Variants in CSMD1 observed in about 807,000 individuals in gnomAD.
CSMD1 encodes the protein CUB and Sushi multiple domains 1.
In CSMD1, 213 loss-of-function variants were observed where a neutral mutation model predicts 417.5. The observed-to-expected ratio is 0.51, with a 90% CI of 0.46 to 0.57. The LOEUF (loss-of-function observed/expected upper bound fraction) is 0.57, where lower values mean the gene tolerates loss of function less well. Ranked by LOEUF, CSMD1 falls within the 20% of genes least tolerant of loss-of-function variation. The pLI, the probability that CSMD1 is intolerant of heterozygous loss-of-function variation, is 0.00. For missense variants in CSMD1, 6,923 were observed against 4,529.7 expected (o/e 1.53, Z -15.17); for synonymous variants, 2,862 against 1,736.8 (o/e 1.65, Z -16.11).
At chr8:3,961,483 G>C (rs1812316597) in intron 5 of CSMD1, among the ~76,000 whole-genome samples, 1 of 152,076 alleles carries the variant, frequency 6.6e-6, no homozygotes, top group South Asian at 2.1e-4. Context: ...TAAAAGTCTA[G>C]CCCCATATGC....
chr8:3,493,673 C>A lies in CSMD1; in HGVS notation c.1398G>T (p.Leu466=), dbSNP rs56109797. ...EFELERGYDT[L]TVGDAGKVGD... ...CCACCTTCCCAGCATCACCAACCGT[C>A]AGGGTGTCATAGCCTCGCTCCAGCT... Residue 466 remains leucine, a synonymous_variant, in exon 11 of 70, where the codon CTG becomes CTT. Transcript: ENST00000635120. 129,195 of 1,611,628 alleles carry A rather than the reference C, an allele frequency of 0.08. 5,707 individuals are homozygous for A. Among genetic ancestry groups the A allele is most frequent in the East Asian group, 0.16 (7,348 of 44,768 alleles).
intron 3 of CSMD1, among the ~76,000 whole-genome samples, chr8:4,273,744 C>G (rs949383783): frequency 2.6e-4 from 39 of 152,150 alleles, no homozygotes; most frequent in African/African-American, 9.2e-4. Flanking sequence ...GGTCAAAACA[C>G]TGACAGCTCA....
rs565251680 is a variant in CSMD1, at chr8:3,495,498, G to C, written c.1345-1772C>G. Among the ~76,000 whole-genome samples, 13 of 152,342 alleles carry C rather than the reference G, an allele frequency of 8.5e-5. No homozygotes were observed. In the South Asian group the frequency reaches 2.1e-3, roughly 24 times the overall value. On this transcript the variant is annotated intron_variant, in intron 10 of 69. Transcript: ENST00000635120. ...TTTCAAGCCAAGGCAAAGGTAGACA[G>C]AGAAAGTCTTTGTCAGTATTTCATC...
At chr8:3,150,201 A>T (rs1054567535) in intron 40 of CSMD1, among the ~76,000 whole-genome samples, 1 of 151,944 alleles carries the variant, frequency 6.6e-6, no homozygotes, top group Admixed American at 6.6e-5. Flanking sequence ...AAACCAAGAA[A>T]CCCGGGAGAA....
chr8:4,334,544 C>A (rs540374291), intron 3 of CSMD1, among the ~76,000 whole-genome samples: 7 of 152,212 alleles, frequency 4.6e-5, no homozygotes, highest in African/African-American at 1.4e-4. Context: ...ATAAAACTCT[C>A]CAGATAGTAT....
chr8:4,321,310 T>G (rs939168443), intron 3 of CSMD1, among the ~76,000 whole-genome samples: 15 of 152,230 alleles, frequency 9.9e-5, no homozygotes, highest in African/African-American at 3.6e-4. Flanking sequence ...CTCTTGCCTA[T>G]TGTTTCCTCC....
At chr8:4,658,029 A>G (rs1240158036) in intron 1 of CSMD1, among the ~76,000 whole-genome samples, 1 of 152,140 alleles carries the variant, frequency 6.6e-6, no homozygotes, top group Admixed American at 6.5e-5. Flanking sequence ...AGTTGAAAAT[A>G]TCCAGTATGA....
intron 3 of CSMD1, among the ~76,000 whole-genome samples, chr8:4,121,264 G>A (rs1347432686): frequency 6.6e-6 from 1 of 151,972 alleles, no homozygotes; most frequent in Admixed American, 6.6e-5. Context: ...ACAGGCACCT[G>A]ACACCACACC....
At chr8:4,898,120 A>G (rs1804623848) in intron 1 of CSMD1, among the ~76,000 whole-genome samples, 1 of 152,132 alleles carries the variant, frequency 6.6e-6, no homozygotes, top group Admixed American at 6.5e-5. Flanking sequence ...AAGTAAATAA[A>G]TATTGCCCAT....
intron 3 of CSMD1, among the ~76,000 whole-genome samples, chr8:4,173,973 G>C (rs898397844): frequency 8.5e-5 from 13 of 152,110 alleles, no homozygotes; most frequent in East Asian, 3.9e-4. Flanking sequence ...ACTTTCTCCT[G>C]ACTGGAAGCA....
chr8:4,421,619 A>G (rs1419476837), intron 2 of CSMD1, among the ~76,000 whole-genome samples: 1 of 152,112 alleles, frequency 6.6e-6, no homozygotes, highest in African/African-American at 2.4e-5. Context: ...AAGGAAAATA[A>G]AAATACAGAT....
At chr8:4,963,247 C>A (rs1032025955) in intron 1 of CSMD1, among the ~76,000 whole-genome samples, 5 of 152,166 alleles carry the variant, frequency 3.3e-5, no homozygotes, top group African/African-American at 1.2e-4. Context: ...GTCACGCAGG[C>A]TGGAGTGCAG....
intron 12 of CSMD1, among the ~76,000 whole-genome samples, chr8:3,425,425 T>G (rs1813774674): frequency 6.6e-6 from 1 of 151,598 alleles, no homozygotes; most frequent in Non-Finnish European, 1.5e-5. Context: ...CTGTCTCTAC[T>G]AAAAATACAA....
intron 37 of CSMD1, among the ~76,000 whole-genome samples, chr8:3,176,557 G>C (rs543976760): frequency 5.9e-5 from 9 of 152,072 alleles, no homozygotes; most frequent in Non-Finnish European, 1.0e-4. Flanking sequence ...ACCTACTAGA[G>C]AAATTTTCAG....
chr8:3,253,481 G>C (rs4609214), intron 26 of CSMD1, among the ~76,000 whole-genome samples: 14,620 of 152,186 alleles, frequency 0.096, 898 homozygotes, highest in Non-Finnish European at 0.13. Flanking sequence ...GGTGTGGTGT[G>C]GTGCTGAAAA....
intron 10 of CSMD1, among the ~76,000 whole-genome samples, chr8:3,525,139 G>GT (rs146105308): frequency 0.044 from 6,731 of 152,226 alleles, 172 homozygotes; most frequent in Non-Finnish European, 0.055. Flanking sequence ...GCCACATACA[G>GT]TGAGTCTTGA....
At chr8:3,719,156 C>A (rs1802004914) in intron 6 of CSMD1, among the ~76,000 whole-genome samples, 1 of 152,138 alleles carries the variant, frequency 6.6e-6, no homozygotes, top group Non-Finnish European at 1.5e-5. Flanking sequence ...CTTTTCTATA[C>A]TTCGTTGCAT....
chr8:4,290,760 T>G (rs59693196), intron 3 of CSMD1, among the ~76,000 whole-genome samples: 1,641 of 152,316 alleles, frequency 0.011, 26 homozygotes, highest in African/African-American at 0.035. Flanking sequence ...CATTTAGGAT[T>G]TCTATTCTGT....
chr8:3,375,403 T>C (rs1008893972), intron 18 of CSMD1, among the ~76,000 whole-genome samples: 1 of 152,156 alleles, frequency 6.6e-6, no homozygotes, highest in South Asian at 2.1e-4. Flanking sequence ...TTTCTCTTTT[T>C]TTCCATCATT....
Sources: gnomAD v4.1 joint callset for allele counts (sites outside exome capture counted in the v4.1 genomes callset) on GRCh38, gnomAD v4.1.1 for gene constraint, MANE v1.5 for transcripts, NCBI Gene and HGNC (gene_info 2026-07-23, HGNC 2026-07-21) for gene names.